CSMD1: variants seen among roughly 807,000 people sequenced by gnomAD.
CSMD1 encodes CUB and Sushi multiple domains 1.
A neutral mutation model predicts 417.5 loss-of-function variants in CSMD1; 213 were observed. The ratio of observed to expected loss-of-function variants is 0.51; its 90% CI spans 0.46 to 0.57. The LOEUF (loss-of-function observed/expected upper bound fraction) is 0.57. Among genes scored for constraint, CSMD1 ranks in the 20% least tolerant of loss-of-function variants. CSMD1 has a pLI of 0.00. For missense variants in CSMD1, 6,923 were observed against 4,529.7 expected (o/e 1.53, Z -15.17); for synonymous variants, 2,862 against 1,736.8 (o/e 1.65, Z -16.11).
At chr8:3,714,579 A>AAAAAAAAAAAAC in intron 6 of CSMD1, among the ~76,000 whole-genome samples, 1 of 148,714 alleles carries the variant, frequency 6.7e-6, no homozygotes, top group Admixed American at 6.8e-5. Flanking sequence ...AAAAAAAAAA[A>AAAAAAAAAAAAC]AATTAGCCCC....
At chr8:3,770,335 C>G (rs974463756) in intron 5 of CSMD1, among the ~76,000 whole-genome samples, 1 of 152,156 alleles carries the variant, frequency 6.6e-6, no homozygotes, top group Non-Finnish European at 1.5e-5. Flanking sequence ...TCAAGACCAG[C>G]CTGTCCTATG....
intron 5 of CSMD1, among the ~76,000 whole-genome samples, chr8:3,914,702 C>G (rs1047033608): frequency 3.3e-5 from 5 of 152,022 alleles, no homozygotes; most frequent in African/African-American, 1.2e-4. Flanking sequence ...TGAAAGATGT[C>G]TTTATTTTTT....
rs1260823516 is a variant in CSMD1, at chr8:4,186,968, C to G, written c.416-154869G>C. 2.0e-5 allele frequency among the ~76,000 whole-genome samples: 3 copies of G among 152,016 alleles called. No homozygotes were observed. In the East Asian group the frequency reaches 5.8e-4, roughly 29 times the overall value. On this transcript the variant is annotated intron_variant, in intron 3 of 69. Coordinates refer to ENST00000635120, the MANE Select transcript of CSMD1 (RefSeq NM_033225.6). ...CTGCACTCTAGCCTGGGTGACACAG[C>G]AAGATTCTGTCTCAAAAAAATATAA...
chr8:3,396,845 C>T (rs765792619), intron 16 of CSMD1, among the ~76,000 whole-genome samples: 3 of 151,686 alleles, frequency 2.0e-5, no homozygotes, highest in African/African-American at 7.3e-5. Flanking sequence ...CAAAGAAGAT[C>T]ATTAAAAATG....
intron 23 of CSMD1, among the ~76,000 whole-genome samples, chr8:3,343,072 A>C (rs1013983459): frequency 6.6e-6 from 1 of 152,214 alleles, no homozygotes; most frequent in Non-Finnish European, 1.5e-5. Context: ...TTCAGGTCCA[A>C]CTATTTTGTT....
At chr8:4,866,485 C>G (rs1019548081) in intron 1 of CSMD1, among the ~76,000 whole-genome samples, 5 of 151,834 alleles carry the variant, frequency 3.3e-5, no homozygotes, top group African/African-American at 1.2e-4. Flanking sequence ...TGCATTTTAG[C>G]ATCTACTTTA....
At chr8:2,970,476 A>C (rs1804359425) in intron 57 of CSMD1, among the ~76,000 whole-genome samples, 1 of 152,240 alleles carries the variant, frequency 6.6e-6, no homozygotes, top group Admixed American at 6.5e-5. Flanking sequence ...ATATTCTTGA[A>C]AACAGAAGGA....
At chr8:3,182,359 C>T (rs1229823286) in intron 36 of CSMD1, among the ~76,000 whole-genome samples, 2 of 152,122 alleles carry the variant, frequency 1.3e-5, no homozygotes, top group Non-Finnish European at 2.9e-5. Context: ...AGATTACAGG[C>T]ATGCTCCACC....
At chr8:2,966,980 A>G (rs1201829130) in intron 57 of CSMD1, among the ~76,000 whole-genome samples, 1 of 152,222 alleles carries the variant, frequency 6.6e-6, no homozygotes, top group East Asian at 1.9e-4. Flanking sequence ...AAAGTGAACT[A>G]TTTCTAAACA....
At chr8:4,152,849 T>A (rs1006920138) in intron 3 of CSMD1, among the ~76,000 whole-genome samples, 1 of 152,176 alleles carries the variant, frequency 6.6e-6, no homozygotes, top group Non-Finnish European at 1.5e-5. Context: ...TATGTGCATG[T>A]GTATTTATGG....
At chr8:4,836,713 C>T (rs747559361) in intron 1 of CSMD1, among the ~76,000 whole-genome samples, 5 of 151,890 alleles carry the variant, frequency 3.3e-5, no homozygotes, top group Non-Finnish European at 5.9e-5. Context: ...TATCATGGAG[C>T]AAAGAAGTCA....
chr8:4,614,417 C>T (rs930070420), intron 2 of CSMD1, among the ~76,000 whole-genome samples: 8 of 152,136 alleles, frequency 5.3e-5, no homozygotes, highest in African/African-American at 1.7e-4. Flanking sequence ...TCAGAAAATC[C>T]AGCACCTAAA....
At chr8:4,372,525 C>CA (rs1455291212) in intron 3 of CSMD1, among the ~76,000 whole-genome samples, 1 of 151,960 alleles carries the variant, frequency 6.6e-6, no homozygotes, top group Non-Finnish European at 1.5e-5. Flanking sequence ...TCTAATACCT[C>CA]ATCCAATAAA....
At chr8:3,916,174 G>T (rs2129141687) in intron 5 of CSMD1, among the ~76,000 whole-genome samples, 1 of 152,074 alleles carries the variant, frequency 6.6e-6, no homozygotes, top group South Asian at 2.1e-4. Flanking sequence ...TCAAGAAATT[G>T]AAGACAACAA....
At chr8:4,798,639 A>T (rs1398739096) in intron 1 of CSMD1, among the ~76,000 whole-genome samples, 1 of 152,154 alleles carries the variant, frequency 6.6e-6, no homozygotes, top group Non-Finnish European at 1.5e-5. Context: ...AAACCTGGTC[A>T]ATTCTTTCAA....
chr8:3,373,474 A>C (rs1053854375), intron 18 of CSMD1: 3 of 152,218 alleles, frequency 2.0e-5, no homozygotes, highest in Non-Finnish European at 2.9e-5. Context: ...TCTGTCCACA[A>C]ATCCTATAAT....
At position 4,680,036 on chromosome 8, in the gene CSMD1, T is replaced by C. The variant is rs58133049; in HGVS notation, c.86-42478A>G. 5.0e-3 allele frequency among the ~76,000 whole-genome samples: 761 copies of C among 152,312 alleles called. 10 individuals carry two copies. The highest frequency in any genetic ancestry group is 0.017 in the African/African-American group (718 of 41,566). On this transcript the variant is annotated intron_variant, in intron 1 of 69. Transcript: ENST00000635120. ...TCTTCAAGTACTTTAATCTTAGCAA[T>C]GTATGCAAATGATGTGAATAAAACA...
chr8:2,974,255 G>C (rs937412756), intron 56 of CSMD1, among the ~76,000 whole-genome samples, 196 bp downstream of exon 56: 1 of 152,226 alleles, frequency 6.6e-6, no homozygotes. Flanking sequence ...TAAAGTAATG[G>C]TGTCTAACGA....
chr8:3,216,100 G>A lies in CSMD1; in HGVS notation c.4673-1409C>T, dbSNP rs1382708005. 5.3e-5 allele frequency among the ~76,000 whole-genome samples: 8 copies of A among 150,380 alleles called. No homozygotes were observed. In the East Asian group the frequency reaches 1.5e-3, roughly 29 times the overall value. ...CTCATTTAAGAATTTGAGATTAAAT[G>A]ATACATATATATTTTATATACATTT... On this transcript the variant is annotated intron_variant, in intron 29 of 69. Coordinates refer to ENST00000635120, the MANE Select transcript of CSMD1 (RefSeq NM_033225.6).
Sources: gnomAD v4.1 joint callset for allele counts (sites outside exome capture counted in the v4.1 genomes callset) on GRCh38, gnomAD v4.1.1 for gene constraint, MANE v1.5 for transcripts, NCBI Gene and HGNC (gene_info 2026-07-23, HGNC 2026-07-21) for gene names.